The following C3orf49 variants were observed in gnomAD, a reference collection of about 807,000 sequenced individuals.
The protein encoded by C3orf49 is putative uncharacterized protein C3orf49.
C3orf49 carries 27 observed loss-of-function variants against 13.3 expected under a neutral mutation model. The ratio of observed to expected loss-of-function variants is 2.02; its 90% CI spans 1.49 to 2.79. C3orf49 has a LOEUF of 2.79. Among genes scored for constraint, C3orf49 ranks in the 30% most tolerant of loss-of-function variants. The pLI is 0.00. For missense variants in C3orf49, 242 were observed against 134.2 expected (o/e 1.80, Z -3.97); for synonymous variants, 87 against 47.6 (o/e 1.83, Z -3.40).
At chr3:63,826,141 A>C (rs999802282) in intron 2 of C3orf49, among the ~76,000 whole-genome samples, 7 of 152,240 alleles carry the variant, frequency 4.6e-5, no homozygotes, top group African/African-American at 1.7e-4. Flanking sequence ...GGTGTCTGTC[A>C]TAGGACACAT....
the C3orf49 span, among the ~76,000 whole-genome samples, chr3:63,803,495 C>G: frequency 6.6e-6 from 1 of 152,220 alleles, no homozygotes; most frequent in Non-Finnish European, 1.5e-5. Context: ...AACCTGCAGA[C>G]TGAAGCCAAA....
the C3orf49 span, chr3:63,783,113 TC>T: frequency 6.6e-6 from 1 of 152,130 alleles, no homozygotes; most frequent in Non-Finnish European, 1.5e-5. Flanking sequence ...CCCAGGACTG[TC>T]CAGGTCCAGA....
the C3orf49 span, among the ~76,000 whole-genome samples, chr3:63,780,254 C>A: frequency 6.6e-6 from 1 of 152,024 alleles, no homozygotes; most frequent in African/African-American, 2.4e-5. Flanking sequence ...GGTTTTTTGT[C>A]CTTGCGATAG....
At chr3:63,804,146 C>CGCTT in the C3orf49 span, among the ~76,000 whole-genome samples, 147 of 152,228 alleles carry the variant, frequency 9.7e-4, no homozygotes, top group South Asian at 1.7e-3. Context: ...GATGAAGCTT[C>CGCTT]GCTTGCTTGC....
upstream of C3orf49, among the ~76,000 whole-genome samples, chr3:63,815,407 CA>C (rs1310327750): frequency 2.0e-5 from 3 of 152,156 alleles, no homozygotes; most frequent in African/African-American, 7.2e-5. Context: ...AATGACTTTT[CA>C]ACACTCACTT....
chr3:63,789,528 G>A, the C3orf49 span, among the ~76,000 whole-genome samples: 1 of 152,018 alleles, frequency 6.6e-6, no homozygotes, highest in Non-Finnish European at 1.5e-5. Flanking sequence ...GTACAACAGG[G>A]GGCCGGGTGC....
At chr3:63,790,221 G>T in the C3orf49 span, among the ~76,000 whole-genome samples, 3 of 152,118 alleles carry the variant, frequency 2.0e-5, no homozygotes, top group African/African-American at 7.2e-5. Context: ...TGACCTAGCC[G>T]GATTTTCTCA....
the C3orf49 span, among the ~76,000 whole-genome samples, chr3:63,810,426 A>G: frequency 6.6e-6 from 1 of 152,328 alleles, no homozygotes; most frequent in African/African-American, 2.4e-5. Flanking sequence ...GGCACTTAAT[A>G]GAGATTTGTG....
At chr3:63,844,974 T>A in intron 5 of C3orf49, 49 bp from the exon 6 acceptor site, 1 of 661,796 alleles carries the variant, frequency 1.5e-6, no homozygotes, top group Non-Finnish European at 2.8e-6. Flanking sequence ...GAATCATAAA[T>A]AAAGACAATT....
At chr3:63,788,362 G>A in the C3orf49 span, among the ~76,000 whole-genome samples, 2 of 152,178 alleles carry the variant, frequency 1.3e-5, no homozygotes, top group Non-Finnish European at 2.9e-5. Context: ...TCTCATGGAA[G>A]ACTACATTCC....
chr3:63,801,921 GTA>G, the C3orf49 span, among the ~76,000 whole-genome samples: 1 of 152,144 alleles, frequency 6.6e-6, no homozygotes, highest in Non-Finnish European at 1.5e-5. Context: ...ATCTTACATG[GTA>G]TCAGGCTTCC....
At chr3:63,787,663 C>T in the C3orf49 span, among the ~76,000 whole-genome samples, 1 of 152,084 alleles carries the variant, frequency 6.6e-6, no homozygotes, top group Non-Finnish European at 1.5e-5. Flanking sequence ...TGAAAGTTTC[C>T]CCCGAACAGG....
At chr3:63,786,928 G>A in the C3orf49 span, among the ~76,000 whole-genome samples, 5 of 152,124 alleles carry the variant, frequency 3.3e-5, no homozygotes, top group Non-Finnish European at 7.3e-5. Flanking sequence ...TCATCTAGGT[G>A]AGAATCAAAT....
chr3:63,815,807 G>A (rs1238845473), upstream of C3orf49, among the ~76,000 whole-genome samples: 3 of 135,218 alleles, frequency 2.2e-5, no homozygotes, highest in Middle Eastern at 4.5e-3. Context: ...TTGCTCTGTC[G>A]CCAGGCTGGA....
chr3:63,826,625 A>G (rs951085563), intron 2 of C3orf49, among the ~76,000 whole-genome samples: 1 of 152,182 alleles, frequency 6.6e-6, no homozygotes, highest in African/African-American at 2.4e-5. Flanking sequence ...TAATGTATTC[A>G]TTGAGGTCTG....
the C3orf49 span, chr3:63,783,157 A>T: frequency 6.6e-6 from 1 of 152,082 alleles, no homozygotes; most frequent in African/African-American, 2.4e-5. Flanking sequence ...ATCCCAGAAA[A>T]CTCCTCTGTT....
In C3orf49 at chr3:63,831,774, A is replaced by T; in HGVS notation, c.779A>T (p.Glu260Val). 1.4e-6 allele frequency: 1 copy of T among 703,060 alleles called. No individual in the cohort carries two copies. The highest frequency in any genetic ancestry group is 2.6e-6 in the Non-Finnish European group (1 of 385,018). The allele number at this position is 703,060 out of a possible 1,614,324, so 43.6% of individuals were successfully genotyped here. ...ELQQCEFLGD[E>V]ILQSSKQFQR... ...CAACAGTGTGAGTTTCTGGGGGATG[A>T]AATTCTTCAGTCTTCTAAACAGTTC... The change falls in exon 5 of 7, where the codon GAA (glutamate) becomes GTA (valine). Residue 260 changes from glutamate to valine, a missense_variant. Transcript: ENST00000295896.
At chr3:63,833,819 A>G (rs1701568047) in intron 5 of C3orf49, 1 of 219,116 alleles carries the variant, frequency 4.6e-6, no homozygotes, top group Non-Finnish European at 8.9e-6. Flanking sequence ...TTGTAAGCCA[A>G]TCAATGTTAC....
upstream of C3orf49, among the ~76,000 whole-genome samples, chr3:63,815,771 CT>C (rs1227837780): frequency 3.0e-3 from 415 of 136,528 alleles, 1 homozygote; most frequent in East Asian, 0.019. Context: ...TCTTTTCTTT[CT>C]TTTTTTTTTT....
Sources: allele counts gnomAD v4.1 joint callset (sites outside exome capture counted in the v4.1 genomes callset), GRCh38; gene constraint gnomAD v4.1.1; transcripts MANE v1.5; gene names NCBI Gene and HGNC (gene_info 2026-07-23, HGNC 2026-07-21).